The following CCND2 variants were observed in gnomAD, a reference collection of about 807,000 sequenced individuals.
CCND2 encodes cyclin D2.
Under a neutral mutation model 30.2 loss-of-function variants are expected in CCND2, and 6 were observed. The ratio of observed to expected loss-of-function variants is 0.20; its 90% CI spans 0.11 to 0.39. The LOEUF (loss-of-function observed/expected upper bound fraction) is 0.39. Among genes scored for constraint, CCND2 ranks in the 10% least tolerant of loss-of-function variants. The pLI, the probability that CCND2 is intolerant of heterozygous loss-of-function variation, is 1.00. For missense variants in CCND2, 235 were observed against 373.4 expected (o/e 0.63, Z 3.06); for synonymous variants, 150 against 153.1 (o/e 0.98, Z 0.15).
chr12:4,300,806 C>T lies in CCND2; in HGVS notation c.*797C>T, dbSNP rs190921478. 2.0e-4 allele frequency: 46 copies of T among 233,628 alleles called. No homozygotes were observed. Among genetic ancestry groups the T allele is most frequent in the African/African-American group, 8.6e-4 (39 of 45,444 alleles). The allele number at this position is 233,628 out of a possible 1,614,324, so 14.5% of individuals were successfully genotyped here. A position where few individuals can be genotyped will look rare whatever the true frequency, so the allele number is the denominator to read the frequency against. On this transcript the variant is annotated 3_prime_UTR_variant, in exon 5 of 5. Transcript: ENST00000261254. ...GGCCATAACCAAAACTCACATGAAA[C>T]GGAGGCAGATGGAGACCAAGGGTGG...
At chr12:4,277,114 T>C (rs943339515) in intron 2 of CCND2, among the ~76,000 whole-genome samples, 4 of 152,236 alleles carry the variant, frequency 2.6e-5, no homozygotes, top group African/African-American at 9.6e-5. Flanking sequence ...GGGGCTCTGC[T>C]GCCATCTAGT....
rs1201997720 is a variant in CCND2 at position 4,300,631 on chromosome 12, T to A, written c.*622T>A. On this transcript the variant is annotated 3_prime_UTR_variant, in exon 5 of 5. Transcript: ENST00000261254. ...ATGTCCTCTTGCTGTCTACAGTAGC[T>A]GCTACCTAAAAAAAGATGTTTTATT... 4.3e-6 allele frequency: 1 copy of A among 233,784 alleles called. No individual in the cohort carries two copies. Among genetic ancestry groups the A allele is most frequent in the East Asian group, 6.0e-5 (1 of 16,588 alleles). The allele number at this position is 233,784 out of a possible 1,614,324, so 14.5% of individuals were successfully genotyped here. A position where few individuals can be genotyped will look rare whatever the true frequency, so the allele number is the denominator to read the frequency against.
At chr12:4,283,132 T>A (rs976882398) in intron 3 of CCND2, among the ~76,000 whole-genome samples, 5 of 152,204 alleles carry the variant, frequency 3.3e-5, no homozygotes, top group Admixed American at 1.3e-4. Context: ...AGCTCTGAAC[T>A]CTTTATTTGG....
At chr12:4,289,062 G>A in intron 4 of CCND2, 72 bp downstream of exon 4, 2 of 1,416,346 alleles carry the variant, frequency 1.4e-6, no homozygotes, top group Non-Finnish European at 9.5e-7. Flanking sequence ...CGACGGATTT[G>A]ATTATGTTGT....
Position 4,293,025 on chromosome 12 carries a change from A to T in CCND2, c.720+4035A>T, listed in dbSNP as rs972842053. Among the ~76,000 whole-genome samples the T allele has an allele frequency of 1.3e-5, 2 of 152,190 alleles. No homozygotes were observed. Among genetic ancestry groups the T allele is most frequent in the Non-Finnish European group, 2.9e-5 (2 of 68,032 alleles). Reference sequence around the variant, plus strand: ...AGTCATTGGGAGTGATGCTTAAGAGAGGAAGGGAAGAGGAAGGAAGGAGCA... The same window carrying T: ...AGTCATTGGGAGTGATGCTTAAGAGTGGAAGGGAAGAGGAAGGAAGGAGCA... On this transcript the variant is annotated intron_variant, in intron 4 of 4. Coordinates refer to ENST00000261254, the MANE Select transcript of CCND2 (RefSeq NM_001759.4). This position sits in a 1 kb window ranked among gnomAD's most constrained non-coding sequence, Gnocchi z 4.9.
intron 3 of CCND2, among the ~76,000 whole-genome samples, chr12:4,280,114 A>G (rs1230861953): frequency 4.2e-5 from 6 of 144,222 alleles, no homozygotes; most frequent in East Asian, 2.8e-4. Context: ...CTATTGATAC[A>G]TCATCCTACA....
chr12:4,289,584 G>C (rs993087878), intron 4 of CCND2, among the ~76,000 whole-genome samples: 1 of 152,202 alleles, frequency 6.6e-6, no homozygotes, highest in African/African-American at 2.4e-5. Context: ...TATTAGCTAC[G>C]GAGCTTCCCC....
Position 4,299,956 on chromosome 12 carries a change from G to C in CCND2, c.817G>C (p.Asp273His). 6.2e-7 allele frequency: 1 copy of C among 1,614,168 alleles called. No homozygotes were observed. Among genetic ancestry groups the C allele is most frequent in the Non-Finnish European group, 8.5e-7 (1 of 1,180,020 alleles). The part of the protein sequence containing the change: ...QDQRDGSKSE[D>H]ELDQASTPTD... ...CCAACGTGACGGATCCAAGTCGGAG[G>C]ATGAACTGGACCAAGCCAGCACCCC... Residue 273 changes from aspartate (D) to histidine (H), a missense_variant, in exon 5 of 5, where the codon GAT becomes CAT. Physicochemically the swap from Asp to His is moderately conservative, Grantham distance 81. Around this residue, in one of 2 missense-constraint regions of CCND2, gnomAD observed 57 missense variants for 50.7 expected, o/e 1.12. Transcript: ENST00000261254. This position sits in a 1 kb window ranked among gnomAD's most constrained non-coding sequence, Gnocchi z 5.2.
At chr12:4,298,072 A>G (rs1864199425) in intron 4 of CCND2, 3 of 213,536 alleles carry the variant, frequency 1.4e-5, no homozygotes, top group Non-Finnish European at 3.0e-5. Context: ...CATAATCACG[A>G]TCATTTATTG....
At chr12:4,280,932 C>T (rs1423786608) in intron 3 of CCND2, among the ~76,000 whole-genome samples, 1 of 152,188 alleles carries the variant, frequency 6.6e-6, no homozygotes, top group East Asian at 1.9e-4. Flanking sequence ...TCTCGAAAAC[C>T]GGGGATCCCA....
At chr12:4,295,463 A>G (rs1447979541) in intron 4 of CCND2, among the ~76,000 whole-genome samples, 1 of 152,160 alleles carries the variant, frequency 6.6e-6, no homozygotes, top group Non-Finnish European at 1.5e-5. Context: ...TTTATCTTCC[A>G]GTCAGAGGGG....
Position 4,303,364 on chromosome 12 carries a change from G to T in CCND2, c.*3355G>T, listed in dbSNP as rs774703314. The T allele has an allele frequency of 2.1e-5, 5 of 233,296 alleles. No individual in the cohort carries two copies. In the Admixed American group the frequency reaches 2.2e-4, roughly 10 times the overall value. 14.5% of individuals were successfully genotyped at this position (233,296 alleles called of 1,614,324 possible). A position where few individuals can be genotyped will look rare whatever the true frequency, so the allele number is the denominator to read the frequency against. ...TCTTAGTCTCTTTGGTAGGAGTTTT[G>T]TTCCAGAGGAGCTCTCCCCCTTGGA... On this transcript the variant is annotated 3_prime_UTR_variant, in exon 5 of 5. Transcript: ENST00000261254. The surrounding 1 kb of genome is among the most constrained non-coding windows in gnomAD (Gnocchi z 4.6).
intron 2 of CCND2, among the ~76,000 whole-genome samples, chr12:4,277,135 C>T (rs1863885362): frequency 6.6e-6 from 1 of 152,228 alleles, no homozygotes; most frequent in Non-Finnish European, 1.5e-5. Context: ...GGAAGACATG[C>T]ACAAGGTTGG....
intron 3 of CCND2, among the ~76,000 whole-genome samples, chr12:4,280,653 G>A (rs957494075): frequency 3.3e-5 from 5 of 152,186 alleles, no homozygotes; most frequent in African/African-American, 7.2e-5. Flanking sequence ...TCCCAGGCTC[G>A]GCTGTCTCCT....
chr12:4,302,642 G>A lies in CCND2; in HGVS notation c.*2633G>A, dbSNP rs1001070560. ...TGCAAGCCCAGGCCCTCTGCTGAGC[G>A]GTACTAAACGGTCGGGTTTTCAATC... On this transcript the variant is annotated 3_prime_UTR_variant, in exon 5 of 5. Transcript: ENST00000261254. The A allele has an allele frequency of 4.3e-5, 10 of 233,098 alleles. No homozygotes were observed. Among genetic ancestry groups the A allele is most frequent in the East Asian group, 1.2e-4 (2 of 16,594 alleles). The allele number at this position is 233,098 out of a possible 1,614,324, so 14.4% of individuals were successfully genotyped here.
chr12:4,295,645 C>T (rs576919870), intron 4 of CCND2, among the ~76,000 whole-genome samples: 1 of 152,252 alleles, frequency 6.6e-6, no homozygotes, highest in East Asian at 1.9e-4. Context: ...GGGGTGATGG[C>T]GTGCACCTGT....
Position 4,273,950 on chromosome 12 carries a change from A to G in CCND2, c.-91A>G. 1 of 1,268,752 alleles carries G rather than the reference A, an allele frequency of 7.9e-7. No individual in the cohort carries two copies. Among genetic ancestry groups the G allele is most frequent in the Non-Finnish European group, 1.1e-6 (1 of 923,888 alleles). The allele number at this position is 1,268,752 out of a possible 1,614,324, so 78.6% of individuals were successfully genotyped here. ...TAGCCAAAGGAAGGAGGTCAGGGGA[A>G]CGCTCTCCCCTCCCCTTCCAAAAAA... On this transcript the variant is annotated 5_prime_UTR_variant, in exon 1 of 5. Coordinates refer to ENST00000261254, the MANE Select transcript of CCND2 (RefSeq NM_001759.4). The surrounding 1 kb of genome is among the most constrained non-coding windows in gnomAD (Gnocchi z 5.9).
At position 4,300,224 on chromosome 12, in the gene CCND2, A is replaced by T; in HGVS notation, c.*215A>T. Reference sequence around the variant, plus strand: ...TGGTGCCTATTTGAAGTACAGCATAAGGGAATCCCTTGTATATGCGAACAG... The same window carrying T: ...TGGTGCCTATTTGAAGTACAGCATATGGGAATCCCTTGTATATGCGAACAG... On this transcript the variant is annotated 3_prime_UTR_variant, in exon 5 of 5. Transcript: ENST00000261254. 1 of 510,096 alleles carries T rather than the reference A, an allele frequency of 2.0e-6. No individual in the cohort carries two copies. Among genetic ancestry groups the T allele is most frequent in the East Asian group, 2.9e-5 (1 of 33,916 alleles). 31.6% of individuals were successfully genotyped at this position (510,096 alleles called of 1,614,324 possible). A position where few individuals can be genotyped will look rare whatever the true frequency, so the allele number is the denominator to read the frequency against.
intron 3 of CCND2, 129 bp downstream of exon 3, chr12:4,279,048 C>G (rs905187139): frequency 2.4e-6 from 2 of 841,496 alleles, no homozygotes; most frequent in Non-Finnish European, 1.8e-6. Flanking sequence ...CTTGAGTAGT[C>G]TAAAGTCTGA....
Sources: allele counts gnomAD v4.1 joint callset (sites outside exome capture counted in the v4.1 genomes callset), GRCh38; gene constraint gnomAD v4.1.1; regional missense constraint gnomAD v4.1.1; non-coding constraint Gnocchi (gnomAD v3.1); transcripts MANE v1.5; gene names NCBI Gene and HGNC (gene_info 2026-07-23, HGNC 2026-07-21).